The following SLC9C1 variants were observed in gnomAD, a reference collection of about 807,000 sequenced individuals.
SLC9C1 encodes the protein solute carrier family 9 member C1.
SLC9C1 carries 97 observed loss-of-function variants against 140.9 expected under a neutral mutation model. The ratio of observed to expected loss-of-function variants is 0.69; its 90% CI spans 0.58 to 0.82. SLC9C1 has a LOEUF of 0.82. Ranked by LOEUF, SLC9C1 falls within the 40% of genes least tolerant of loss-of-function variation. The probability of loss-of-function intolerance (pLI) is 0.00; values close to 1 mark genes in which losing one functional copy is unlikely to be tolerated. For missense variants in SLC9C1, 1,340 were observed against 1,389.3 expected, an observed-to-expected ratio of 0.96 and a Z score of 0.56; for synonymous variants, 440 against 442.6, an observed-to-expected ratio of 0.99 and a Z score of 0.07.
intron 20 of SLC9C1, among the ~76,000 whole-genome samples, chr3:112,197,484 A>C (rs2077796448): frequency 6.6e-6 from 1 of 152,138 alleles, no homozygotes; most frequent in Non-Finnish European, 1.5e-5. Flanking sequence ...AAGTTGCTCC[A>C]AGGACACATG....
chr3:112,259,151 T>C (rs1489035466), intron 10 of SLC9C1, among the ~76,000 whole-genome samples: 2 of 151,924 alleles, frequency 1.3e-5, no homozygotes, highest in Non-Finnish European at 2.9e-5. Flanking sequence ...TGCAGGAAAA[T>C]GGACAGAGCT....
intron 16 of SLC9C1, among the ~76,000 whole-genome samples, chr3:112,205,904 A>G (rs1478268213): frequency 1.0e-5 from 1 of 95,576 alleles, no homozygotes; most frequent in Non-Finnish European, 2.2e-5. Context: ...AAACCCTAGA[A>G]GAAAACCTAG....
At chr3:112,254,956 T>G (rs1247983057) in intron 10 of SLC9C1, among the ~76,000 whole-genome samples, 12 of 151,946 alleles carry the variant, frequency 7.9e-5, no homozygotes, top group Admixed American at 6.6e-4. Context: ...CAAAACAGAC[T>G]TAAAACAACA....
chr3:112,224,887 T>G (rs561161749), intron 13 of SLC9C1, among the ~76,000 whole-genome samples: 1 of 151,918 alleles, frequency 6.6e-6, no homozygotes, highest in African/African-American at 2.4e-5. Flanking sequence ...ATGGGACCCA[T>G]GGGACATCAT....
intron 11 of SLC9C1, among the ~76,000 whole-genome samples, chr3:112,240,607 C>A (rs1333330321): frequency 6.6e-6 from 1 of 152,226 alleles, no homozygotes; most frequent in Non-Finnish European, 1.5e-5. Context: ...GGACTTCAGT[C>A]TTCTCCTACC....
chr3:112,248,627 G>A (rs1465257565), intron 10 of SLC9C1, among the ~76,000 whole-genome samples: 1 of 152,026 alleles, frequency 6.6e-6, no homozygotes, highest in Admixed American at 6.6e-5. Flanking sequence ...TGGTTATTTA[G>A]TATCTACCAG....
intron 17 of SLC9C1, among the ~76,000 whole-genome samples, chr3:112,202,645 T>C (rs1228167151): frequency 6.6e-6 from 1 of 152,026 alleles, no homozygotes; most frequent in African/African-American, 2.4e-5. Flanking sequence ...CTTTACTTAT[T>C]TTCCTTATAG....
Position 112,258,426 on chromosome 3 carries a change from G to C in SLC9C1, c.1197+4498C>G, listed in dbSNP as rs914959289. On this transcript the variant is annotated intron_variant, in intron 10 of 28. Coordinates refer to ENST00000305815, the MANE Select transcript of SLC9C1 (RefSeq NM_183061.3). ...TTTTTTTGTTTGTTTGTTTGTTTGG[G>C]TTTTTTTGTTTTTGTTTTTGTTTTT... 4.0e-5 allele frequency among the ~76,000 whole-genome samples: 6 copies of C among 151,420 alleles called. No homozygotes were observed. In the South Asian group the frequency reaches 1.3e-3, roughly 32 times the overall value.
intron 20 of SLC9C1, among the ~76,000 whole-genome samples, chr3:112,189,089 T>G (rs2077597317): frequency 6.6e-6 from 1 of 152,194 alleles, no homozygotes; most frequent in South Asian, 2.1e-4. Context: ...TGTTTTTTTC[T>G]TGTAAATTTG....
At chr3:112,279,204 T>C (rs2080296137) in intron 3 of SLC9C1, among the ~76,000 whole-genome samples, 1 of 152,190 alleles carries the variant, frequency 6.6e-6, no homozygotes, top group Admixed American at 6.5e-5. Context: ...GTACCTACTG[T>C]GTTAGGTAAT....
At chr3:112,214,392 A>T (rs146643953) in intron 15 of SLC9C1, among the ~76,000 whole-genome samples, 1 of 152,176 alleles carries the variant, frequency 6.6e-6, no homozygotes, top group Non-Finnish European at 1.5e-5. Context: ...GACACGAAAA[A>T]CCGTTCAAAA....
intron 10 of SLC9C1, among the ~76,000 whole-genome samples, chr3:112,245,316 TG>T (rs1406098142): frequency 6.6e-6 from 1 of 152,200 alleles, no homozygotes; most frequent in Non-Finnish European, 1.5e-5. Flanking sequence ...TTAAAAAAAT[TG>T]GGTTACCATT....
intron 6 of SLC9C1, among the ~76,000 whole-genome samples, chr3:112,274,368 AG>A (rs1303628016): frequency 1.3e-5 from 2 of 152,264 alleles, no homozygotes; most frequent in East Asian, 1.9e-4. Flanking sequence ...CTTATGGTTT[AG>A]GGCTATCTGA....
At chr3:112,286,190 G>A (rs1462878949) in intron 2 of SLC9C1, among the ~76,000 whole-genome samples, 1 of 152,100 alleles carries the variant, frequency 6.6e-6, no homozygotes, top group African/African-American at 2.4e-5. Flanking sequence ...ATTTAACTTT[G>A]TGTATTATTG....
At chr3:112,150,765 A>AATACATATATATATAAATACAT (rs2074934444) in intron 28 of SLC9C1, among the ~76,000 whole-genome samples, 2 of 141,168 alleles carry the variant, frequency 1.4e-5, no homozygotes, top group African/African-American at 5.2e-5. Flanking sequence ...TATATATAAA[A>AATACATATATATATAAATACAT]ATACATATAT....
intron 11 of SLC9C1, 95 bp downstream of exon 11, chr3:112,243,899 CT>C: frequency 1.2e-6 from 1 of 855,420 alleles, no homozygotes; most frequent in Non-Finnish European, 1.7e-6. Context: ...ACTATGTTGC[CT>C]AGGCTGTATA....
At chr3:112,179,771 C>T (rs2077404801) in intron 22 of SLC9C1, 70 bp from the exon 23 acceptor site, 1 of 1,332,310 alleles carries the variant, frequency 7.5e-7, no homozygotes, top group East Asian at 2.6e-5. Flanking sequence ...TAATTTATGA[C>T]TTTTTCCACT....
intron 12 of SLC9C1, among the ~76,000 whole-genome samples, chr3:112,233,933 G>A (rs978414902): frequency 1.6e-4 from 25 of 152,198 alleles, no homozygotes; most frequent in Non-Finnish European, 3.1e-4. Context: ...TAGTGCCACA[G>A]TAAACATACG....
intron 23 of SLC9C1, among the ~76,000 whole-genome samples, chr3:112,172,067 C>A (rs1282733646): frequency 6.6e-6 from 1 of 151,874 alleles, no homozygotes; most frequent in East Asian, 1.9e-4. Context: ...ATTTGTTTTG[C>A]CTATTATAGG....
Sources: allele counts gnomAD v4.1 joint callset (sites outside exome capture counted in the v4.1 genomes callset), GRCh38; gene constraint gnomAD v4.1.1; transcripts MANE v1.5; gene names NCBI Gene and HGNC (gene_info 2026-07-23, HGNC 2026-07-21).